Variants in BICD2 observed in about 807,000 individuals in gnomAD.
BICD2 encodes protein bicaudal D homolog 2.
A neutral mutation model predicts 72.9 loss-of-function variants in BICD2; 25 were observed. The observed-to-expected ratio is 0.34, with a 90% CI of 0.25 to 0.48. BICD2 has a LOEUF of 0.48. Among genes scored for constraint, BICD2 ranks in the 20% least tolerant of loss-of-function variants. The probability of loss-of-function intolerance (pLI) is 0.99; values close to 1 mark genes in which losing one functional copy is unlikely to be tolerated. For missense variants in BICD2, 894 were observed against 1,175.2 expected (o/e 0.76, Z 3.50); for synonymous variants, 501 against 516.1 (o/e 0.97, Z 0.40).
chr9:92,763,310 G>A (rs1425827388), intron 1 of BICD2, among the ~76,000 whole-genome samples: 1 of 152,200 alleles, frequency 6.6e-6, no homozygotes, highest in Non-Finnish European at 1.5e-5. Context: ...GGGAGCAGAG[G>A]TGCCAGGTGA....
At chr9:92,763,632 G>A (rs1056332405) in intron 1 of BICD2, among the ~76,000 whole-genome samples, 7 of 152,200 alleles carry the variant, frequency 4.6e-5, no homozygotes, top group African/African-American at 1.7e-4. Context: ...AAGAGAAGCT[G>A]GGGAAGGACT....
intron 4 of BICD2, among the ~76,000 whole-genome samples, 155 bp from the exon 5 acceptor site, chr9:92,719,737 A>G (rs181785017): frequency 1.3e-5 from 2 of 152,256 alleles, no homozygotes; most frequent in Non-Finnish European, 2.9e-5. Context: ...GTGGACAAAG[A>G]CACACAGGGT....
At position 92,764,542 on chromosome 9, in the gene BICD2, T is replaced by C. The variant is rs141519259; in HGVS notation, c.203A>G (p.Tyr68Cys). ...CTCCATCTCGCTGCGGATAGCCTCA[T>C]AGTCCACCTCGAGCTCCTCGAACTG... ...KLQFEELEVD[Y>C]EAIRSEMEQL... The change falls in exon 1 of 7, where the codon TAT becomes TGT. Residue 68 changes from tyrosine (Y) to cysteine (C), a missense_variant. Physicochemically the swap from Tyr to Cys is radical, Grantham distance 194. Coordinates refer to ENST00000356884, the MANE Select transcript of BICD2 (RefSeq NM_001003800.2). The surrounding 1 kb of genome is among the most constrained non-coding windows in gnomAD (Gnocchi z 5.5). 1.2e-5 allele frequency: 19 copies of C among 1,544,348 alleles called. No individual in the cohort carries two copies. The highest frequency in any genetic ancestry group is 1.6e-5 in the Non-Finnish European group (18 of 1,144,814).
chr9:92,761,425 A>G (rs576648378), intron 1 of BICD2, among the ~76,000 whole-genome samples: 2 of 152,314 alleles, frequency 1.3e-5, no homozygotes, highest in African/African-American at 4.8e-5. Flanking sequence ...GACAAGGACA[A>G]TGGTGCTCCA....
At chr9:92,756,540 C>T (rs1335062189) in intron 1 of BICD2, among the ~76,000 whole-genome samples, 6 of 149,764 alleles carry the variant, frequency 4.0e-5, no homozygotes, top group Non-Finnish European at 8.9e-5. Flanking sequence ...GGATTACAGG[C>T]GTGAGCCACT....
chr9:92,740,083 A>T (rs578065934), intron 1 of BICD2, among the ~76,000 whole-genome samples: 1 of 152,332 alleles, frequency 6.6e-6, no homozygotes, highest in African/African-American at 2.4e-5. Context: ...TGACCCAAAC[A>T]GCCTAGTACA....
intron 1 of BICD2, among the ~76,000 whole-genome samples, chr9:92,742,509 C>T (rs951765020): frequency 1.3e-5 from 2 of 151,970 alleles, no homozygotes; most frequent in East Asian, 1.9e-4. Flanking sequence ...CTCGGCCTCC[C>T]GAGTAGCTGG....
rs145923602 is a variant in BICD2, at chr9:92,717,810, T to C, written c.2245A>G (p.Met749Val). 121 of 1,610,486 alleles carry C rather than the reference T, an allele frequency of 7.5e-5. No homozygotes were observed. The highest frequency in any genetic ancestry group is 9.9e-5 in the Non-Finnish European group (117 of 1,179,206). ...CAGCACGGTTACCTGGTGGCAAACA[T>C]AGCACGCAGCGAGGAGAAGGTGGCT... The part of the protein sequence containing the change: ...DAATFSSLRA[M>V]FATRCDEYIT... Residue 749 changes from methionine (M) to valine (V), a missense_variant, in exon 6 of 7, where the codon ATG becomes GTG. Met to Val is a conservative substitution (Grantham distance 21). Around this residue, in one of 5 missense-constraint regions of BICD2, gnomAD observed 321 missense variants for 443.9 expected, o/e 0.72. Coordinates refer to ENST00000356884, the MANE Select transcript of BICD2 (RefSeq NM_001003800.2).
chr9:92,753,714 T>C (rs1005745318), intron 1 of BICD2, among the ~76,000 whole-genome samples: 1 of 151,762 alleles, frequency 6.6e-6, no homozygotes, highest in Non-Finnish European at 1.5e-5. Flanking sequence ...AATTTTTTTG[T>C]ATTTTTAGTA....
Position 92,715,350 on chromosome 9 carries a change from G to A in BICD2, c.2372C>T (p.Ala791Val). The A allele has an allele frequency of 1.9e-6, 3 of 1,613,058 alleles. No individual in the cohort carries two copies. Among genetic ancestry groups the A allele is most frequent in the South Asian group, 1.1e-5 (1 of 91,070 alleles). Residue 791 changes from alanine to valine, a missense_variant, in exon 7 of 7, where the codon GCG becomes GTG. By Grantham distance (64) the Ala-to-Val change is moderately conservative. Coordinates refer to ENST00000356884, the MANE Select transcript of BICD2 (RefSeq NM_001003800.2). ...GAGCAGCTCCAGCCGCTGGGTCAGC[G>A]CCAGCTTCTGCTGGATGGCCATGCG... is the stretch of plus-strand genomic sequence containing the variant. The part of the protein sequence containing the change: ...LLRMAIQQKL[A>V]LTQRLELLEL...
At chr9:92,717,153 A>G (rs1853333108) in intron 6 of BICD2, among the ~76,000 whole-genome samples, 1 of 152,224 alleles carries the variant, frequency 6.6e-6, no homozygotes, top group African/African-American at 2.4e-5. Flanking sequence ...TCATGAGAGG[A>G]AAGGCCAGGA....
Position 92,764,507 on chromosome 9 carries a change from C to G in BICD2, c.238G>C (p.Glu80Gln). The change falls in exon 1 of 7, where the codon GAG becomes CAG. Residue 80 changes from glutamate to glutamine, a missense_variant and splice_region_variant. Glu to Gln is a conservative substitution (Grantham distance 29). Around this residue, in one of 5 missense-constraint regions of BICD2, gnomAD observed 192 missense variants for 243.6 expected, o/e 0.79. Transcript: ENST00000356884. This position sits in a 1 kb window ranked among gnomAD's most constrained non-coding sequence, Gnocchi z 5.5. ...AIRSEMEQLK[E>Q]AFGQAHTNHK... ...CAGGGCAGGGCGGCTCGGCTCACCT[C>G]CTTGAGCTGCTCCATCTCGCTGCGG... The G allele has an allele frequency of 6.5e-7, 1 of 1,530,164 alleles. No homozygotes were observed. The highest frequency in any genetic ancestry group is 8.8e-7 in the Non-Finnish European group (1 of 1,138,408). The allele number at this position is 1,530,164 out of a possible 1,614,324, so 94.8% of individuals were successfully genotyped here.
In BICD2 at chr9:92,735,298, G is replaced by A. The variant is rs1267273341; in HGVS notation, c.241-6062C>T. On this transcript the variant is annotated intron_variant, in intron 1 of 6. Coordinates refer to ENST00000356884, the MANE Select transcript of BICD2 (RefSeq NM_001003800.2). ...GACCAGACACCATTAGGGAGGCCAG[G>A]TCCTGCACAGTGGCATGGCCTCGGG... Among the ~76,000 whole-genome samples the A allele has an allele frequency of 2.6e-5, 4 of 152,156 alleles. No individual in the cohort carries two copies. The South Asian group carries it at 8.3e-4, about 32-fold the overall frequency.
At chr9:92,725,820 T>C (rs1242315932) in intron 2 of BICD2, among the ~76,000 whole-genome samples, 1 of 152,250 alleles carries the variant, frequency 6.6e-6, no homozygotes, top group Non-Finnish European at 1.5e-5. Flanking sequence ...TCTGCCTTGA[T>C]GGCCTAGGCC....
Position 92,715,046 on chromosome 9 carries a change from C to T in BICD2, c.*108G>A. 6.8e-7 allele frequency: 1 copy of T among 1,464,098 alleles called. No homozygotes were observed. Among genetic ancestry groups the T allele is most frequent in the Non-Finnish European group, 9.0e-7 (1 of 1,106,726 alleles). 90.7% of individuals were successfully genotyped at this position (1,464,098 alleles called of 1,614,324 possible). A position where few individuals can be genotyped will look rare whatever the true frequency, so the allele number is the denominator to read the frequency against. On this transcript the variant is annotated 3_prime_UTR_variant, in exon 7 of 7. Transcript: ENST00000356884. ...ATGGCGCCTCGGCTAGACTCCTACC[C>T]TCTGTGCATTAGTCACGTTAAGATT... is the stretch of plus-strand genomic sequence containing the variant.
intron 1 of BICD2, among the ~76,000 whole-genome samples, chr9:92,732,757 G>C (rs377296027): frequency 6.6e-6 from 1 of 152,076 alleles, no homozygotes; most frequent in African/African-American, 2.4e-5. Flanking sequence ...TACAAAAGCT[G>C]AAAGAATTTA....
chr9:92,718,081 C>G, intron 5 of BICD2, 133 bp from the exon 6 acceptor site: 1 of 1,139,876 alleles, frequency 8.8e-7, no homozygotes, highest in Non-Finnish European at 1.2e-6. Context: ...GAGGCCCCTC[C>G]CTGTGACAAA....
At position 92,718,959 on chromosome 9, in the gene BICD2, G is replaced by A. The variant is rs369522942; in HGVS notation, c.1686C>T (p.Gly562=). 45 of 1,609,804 alleles carry A rather than the reference G, an allele frequency of 2.8e-5. No homozygotes were observed. Among genetic ancestry groups the A allele is most frequent in the Admixed American group, 5.0e-5 (3 of 60,000 alleles). Residue 562 remains glycine (G), a synonymous_variant, in exon 5 of 7, where the codon GGC becomes GGT. Transcript: ENST00000356884. The part of the protein sequence containing the change: ...VMLDYYREGQ[G]GAGRTSPGGR... ...CCCCGGGACTGGTGCGGCCGGCCCC[G>A]CCCTGGCCCTCGCGGTAGTAGTCCA...
intron 1 of BICD2, among the ~76,000 whole-genome samples, chr9:92,752,258 T>G (rs529237201): frequency 6.6e-6 from 1 of 151,490 alleles, no homozygotes; most frequent in Non-Finnish European, 1.5e-5. Context: ...TTGGGGTAAA[T>G]AGCTGATTCT....
Sources: allele counts gnomAD v4.1 joint callset (sites outside exome capture counted in the v4.1 genomes callset), GRCh38; gene constraint gnomAD v4.1.1; regional missense constraint gnomAD v4.1.1; non-coding constraint Gnocchi (gnomAD v3.1); transcripts MANE v1.5; gene names NCBI Gene and HGNC (gene_info 2026-07-23, HGNC 2026-07-21).